Variants in OSBPL9 observed in about 807,000 individuals in gnomAD.
OSBPL9 encodes the protein oxysterol binding protein like 9, also known as oxysterol-binding protein-related protein 9.
In OSBPL9, 40 loss-of-function variants were observed where a neutral mutation model predicts 106.6. That is an observed-to-expected ratio of 0.38 (90% CI 0.29 to 0.49). The LOEUF (loss-of-function observed/expected upper bound fraction) is 0.49. Among genes scored for constraint, OSBPL9 ranks in the 20% least tolerant of loss-of-function variants. The pLI is 0.97. For synonymous variants in OSBPL9, 269 were observed against 295.4 expected, an observed-to-expected ratio of 0.91 and a Z score of 0.92; for missense variants, 609 against 887.2, an observed-to-expected ratio of 0.69 and a Z score of 3.98.
At chr1:51,558,346 AC>A in the OSBPL9 span, among the ~76,000 whole-genome samples, 1 of 152,030 alleles carries the variant, frequency 6.6e-6, no homozygotes, top group East Asian at 1.9e-4. Flanking sequence ...TTGCTTGGGG[AC>A]CAGACTGCCT....
At chr1:51,571,005 G>A in the OSBPL9 span, among the ~76,000 whole-genome samples, 2 of 152,108 alleles carry the variant, frequency 1.3e-5, no homozygotes. Context: ...ATTTTTAGTA[G>A]AGATGGGGTT....
the OSBPL9 span, among the ~76,000 whole-genome samples, chr1:51,531,630 T>C: frequency 5.9e-5 from 9 of 152,198 alleles, no homozygotes; most frequent in Non-Finnish European, 1.3e-4. Context: ...ATATCGGGAA[T>C]TTGGCCTTTG....
In OSBPL9 at chr1:51,785,573, A is replaced by T. The variant is rs905323889; in HGVS notation, c.1830-235A>T. ...ACTCTGTTATGGTCCTTGCACCCAG[A>T]ATAGGACGTTCTTGCCCAAACCCAC... On this transcript the variant is annotated intron_variant, in intron 20 of 23. Coordinates refer to ENST00000428468, the MANE Select transcript of OSBPL9 (RefSeq NM_024586.6). 8.0e-5 allele frequency: 42 copies of T among 522,602 alleles called. No individual in the cohort carries two copies. The Middle Eastern group carries it at 4.5e-3, about 56-fold the overall frequency. 32.4% of individuals were successfully genotyped at this position (522,602 alleles called of 1,614,324 possible). A position where few individuals can be genotyped will look rare whatever the true frequency, so the allele number is the denominator to read the frequency against.
intron 3 of OSBPL9, among the ~76,000 whole-genome samples, chr1:51,702,492 G>GTTGT (rs1657510081): frequency 6.6e-6 from 1 of 151,840 alleles, no homozygotes; most frequent in Non-Finnish European, 1.5e-5. Flanking sequence ...TGTTGATGGG[G>GTTGT]TTGTTTTTTT....
At chr1:51,746,640 CTG>C in intron 5 of OSBPL9, 68 bp from the exon 6 acceptor site, 2 of 1,073,412 alleles carry the variant, frequency 1.9e-6, no homozygotes, top group South Asian at 3.0e-5. Context: ...GTTTGTTTTT[CTG>C]TGTTTAGTGA....
chr1:51,736,433 C>T (rs527584871), intron 4 of OSBPL9, among the ~76,000 whole-genome samples: 1 of 151,256 alleles, frequency 6.6e-6, no homozygotes, highest in African/African-American at 2.4e-5. Flanking sequence ...GATCATCTAT[C>T]TGTTAGTCCT....
At chr1:51,555,595 T>C in the OSBPL9 span, among the ~76,000 whole-genome samples, 1 of 151,886 alleles carries the variant, frequency 6.6e-6, no homozygotes, top group Non-Finnish European at 1.5e-5. Flanking sequence ...TGAGAGGGAG[T>C]CTTGCTCTGT....
rs376836872 is a variant in OSBPL9, at chr1:51,756,071, C to T, written c.544-249C>T. Among the ~76,000 whole-genome samples, 190 of 152,290 alleles carry T rather than the reference C, an allele frequency of 1.2e-3. 5 individuals are homozygous for T. In the South Asian group the frequency reaches 0.037, roughly 30 times the overall value. ...ACTACAGTTCTACAGGATATTTCCACGATGAACTTAGTTAAATCCCTATAT... is the reference window on the plus strand; with the variant it reads ...ACTACAGTTCTACAGGATATTTCCATGATGAACTTAGTTAAATCCCTATAT... On this transcript the variant is annotated intron_variant, in intron 8 of 23. Coordinates refer to ENST00000428468, the MANE Select transcript of OSBPL9 (RefSeq NM_024586.6).
the OSBPL9 span, among the ~76,000 whole-genome samples, chr1:51,558,252 C>T: frequency 1.3e-5 from 2 of 151,826 alleles, no homozygotes; most frequent in Admixed American, 1.3e-4. Context: ...TGCACTCCAG[C>T]CTGGGTGACA....
chr1:51,640,942 C>T (rs1449575097), intron 1 of OSBPL9, among the ~76,000 whole-genome samples: 2 of 151,536 alleles, frequency 1.3e-5, no homozygotes, highest in African/African-American at 2.4e-5. Context: ...TGCCACCACA[C>T]CTGGCTAATT....
intron 17 of OSBPL9, among the ~76,000 whole-genome samples, chr1:51,783,386 A>G (rs1353943139): frequency 2.1e-5 from 3 of 142,180 alleles, no homozygotes; most frequent in African/African-American, 5.3e-5. Flanking sequence ...GTGTATCACT[A>G]TGTTGCCCAG....
chr1:51,740,284 C>T (rs1382330349), intron 4 of OSBPL9: 1 of 1,395,134 alleles, frequency 7.2e-7, no homozygotes, highest in African/African-American at 1.5e-5. Flanking sequence ...TGCATGTCAT[C>T]TCAAATTGCT....
rs41302778 is a variant in OSBPL9 at position 51,761,784 on chromosome 1, A to G, written c.674-83A>G. 9,269 of 1,090,896 alleles carry G rather than the reference A, an allele frequency of 8.5e-3. 60 individuals are homozygous for G. The highest frequency in any genetic ancestry group is 0.016 in the Middle Eastern group (67 of 4,110). The allele number at this position is 1,090,896 out of a possible 1,614,324, so 67.6% of individuals were successfully genotyped here. On this transcript the variant is annotated intron_variant, in intron 10 of 23. Transcript: ENST00000428468. ...GTTTCAAAAATTACTGGCCTTTAGG[A>G]TTTTGAATCCCAGACAATTACAGTC...
intron 7 of OSBPL9, among the ~76,000 whole-genome samples, chr1:51,749,207 A>G (rs1332880075): frequency 6.6e-6 from 1 of 152,224 alleles, no homozygotes; most frequent in Non-Finnish European, 1.5e-5. Context: ...ATAATGGGCT[A>G]CTTATGAGAT....
chr1:51,617,034 CGG>C, upstream of OSBPL9: 1 of 1,335,770 alleles, frequency 7.5e-7, no homozygotes, highest in Non-Finnish European at 1.0e-6. Context: ...CCGCCCCCTG[CGG>C]CCCCGCCCCC....
At chr1:51,524,798 T>C in the OSBPL9 span, among the ~76,000 whole-genome samples, 2 of 152,180 alleles carry the variant, frequency 1.3e-5, no homozygotes, top group African/African-American at 4.8e-5. Context: ...CTTCCTTTCC[T>C]CTCTGTCCTT....
intron 2 of OSBPL9, among the ~76,000 whole-genome samples, chr1:51,653,873 A>AT (rs1165733382): frequency 1.3e-5 from 2 of 152,156 alleles, no homozygotes; most frequent in African/African-American, 4.8e-5. Flanking sequence ...GTGGTGACAC[A>AT]TGCCTATAGT....
the OSBPL9 span, among the ~76,000 whole-genome samples, chr1:51,546,120 G>A: frequency 6.6e-6 from 1 of 151,910 alleles, no homozygotes; most frequent in South Asian, 2.1e-4. Flanking sequence ...GGGCTCAAGC[G>A]ATCCTCTCAC....
chr1:51,536,830 T>C, the OSBPL9 span, among the ~76,000 whole-genome samples: 8 of 152,360 alleles, frequency 5.3e-5, no homozygotes, highest in African/African-American at 1.7e-4. Context: ...CAGTGCATCA[T>C]ATGGGGAGAA....
Sources: gnomAD v4.1 joint callset for allele counts (sites outside exome capture counted in the v4.1 genomes callset) on GRCh38, gnomAD v4.1.1 for gene constraint, MANE v1.5 for transcripts, NCBI Gene and HGNC (gene_info 2026-07-23, HGNC 2026-07-21) for gene names.